The following MECOM variants were observed in gnomAD, a reference collection of about 807,000 sequenced individuals.
The protein encoded by MECOM is MDS1 and EVI1 complex locus, also known as histone-lysine N-methyltransferase MECOM.
A neutral mutation model predicts 116.3 loss-of-function variants in MECOM; 13 were observed. The observed-to-expected ratio is 0.11, with a 90% CI of 0.07 to 0.18. MECOM has a LOEUF of 0.18. Ranked by LOEUF, MECOM falls within the 10% of genes least tolerant of loss-of-function variation. The probability of loss-of-function intolerance (pLI) is 1.00; values close to 1 mark genes in which losing one functional copy is unlikely to be tolerated. For synonymous variants in MECOM, 528 were observed against 535.2 expected, an observed-to-expected ratio of 0.99 and a Z score of 0.19; for missense variants, 1,299 against 1,509.0, an observed-to-expected ratio of 0.86 and a Z score of 2.31.
chr3:169,353,566 TA>T, intron 2 of MECOM, among the ~76,000 whole-genome samples: 1 of 151,928 alleles, frequency 6.6e-6, no homozygotes, highest in Admixed American at 6.6e-5. Context: ...TGTAAATAGC[TA>T]AGTAAAATTC....
intron 1 of MECOM, among the ~76,000 whole-genome samples, chr3:169,640,641 A>G (rs1184635209): frequency 6.6e-6 from 1 of 152,252 alleles, no homozygotes; most frequent in African/African-American, 2.4e-5. Flanking sequence ...AGTGCTAAGC[A>G]CAGTACAAAT....
chr3:169,653,926 G>C (rs758884449), intron 1 of MECOM, among the ~76,000 whole-genome samples: 27 of 152,086 alleles, frequency 1.8e-4, no homozygotes, highest in Non-Finnish European at 3.8e-4. Context: ...CATTCTTCTG[G>C]CACAAAAGTA....
intron 3 of MECOM, 104 bp from the exon 4 acceptor site, chr3:169,131,635 C>A (rs1332600649): frequency 8.5e-6 from 7 of 822,400 alleles, no homozygotes; most frequent in African/African-American, 1.7e-5. Context: ...AACACCTTAA[C>A]AAACATCTTT....
At chr3:169,150,867 G>GT (rs1173072486) in intron 2 of MECOM, among the ~76,000 whole-genome samples, 1 of 152,116 alleles carries the variant, frequency 6.6e-6, no homozygotes, top group Non-Finnish European at 1.5e-5. Context: ...AGGTTAATGT[G>GT]TTTTCTTCCT....
At chr3:169,149,930 T>TCA (rs1242701736) in intron 2 of MECOM, among the ~76,000 whole-genome samples, 27 of 121,654 alleles carry the variant, frequency 2.2e-4, no homozygotes, top group Admixed American at 3.4e-4. Flanking sequence ...TCTCTTTCTC[T>TCA]CTCTCTGTGT....
chr3:169,362,181 A>G (rs1267112025), intron 2 of MECOM, among the ~76,000 whole-genome samples: 2 of 151,956 alleles, frequency 1.3e-5, no homozygotes, highest in Non-Finnish European at 2.9e-5. Flanking sequence ...ATTAAAAGTA[A>G]TTATTTTGGA....
chr3:169,475,005 T>C (rs1750117293), intron 1 of MECOM, among the ~76,000 whole-genome samples: 1 of 152,194 alleles, frequency 6.6e-6, no homozygotes, highest in African/African-American at 2.4e-5. Context: ...AGTTCCAATT[T>C]CAGTTTTTGT....
intron 2 of MECOM, among the ~76,000 whole-genome samples, chr3:169,163,535 C>T (rs1743148263): frequency 6.6e-6 from 1 of 152,110 alleles, no homozygotes; most frequent in Non-Finnish European, 1.5e-5. Flanking sequence ...TTTCATGTAA[C>T]AACTCACTGA....
At chr3:169,488,207 A>G (rs1387227998) in intron 1 of MECOM, among the ~76,000 whole-genome samples, 1 of 151,942 alleles carries the variant, frequency 6.6e-6, no homozygotes, top group East Asian at 1.9e-4. Context: ...GTTTGATCAA[A>G]CATATATAGA....
chr3:169,231,652 G>A (rs1753413670), intron 2 of MECOM, among the ~76,000 whole-genome samples: 1 of 151,898 alleles, frequency 6.6e-6, no homozygotes, highest in South Asian at 2.1e-4. Flanking sequence ...AAAAGCTAGG[G>A]AGAAGCACCC....
intron 2 of MECOM, among the ~76,000 whole-genome samples, chr3:169,371,932 A>G (rs1017177275): frequency 6.6e-6 from 1 of 152,054 alleles, no homozygotes. Context: ...CAAACTTAAA[A>G]GTGTGAGAAC....
At chr3:169,171,174 A>G (rs1344977039) in intron 2 of MECOM, among the ~76,000 whole-genome samples, 1 of 152,224 alleles carries the variant, frequency 6.6e-6, no homozygotes, top group African/African-American at 2.4e-5. Context: ...TGTGGCAAAG[A>G]AACAATAATG....
At chr3:169,583,523 T>A (rs1165856653) in intron 1 of MECOM, among the ~76,000 whole-genome samples, 3 of 152,082 alleles carry the variant, frequency 2.0e-5, no homozygotes, top group African/African-American at 7.2e-5. Context: ...ACATTCCAAA[T>A]CTCCACTTAA....
chr3:169,485,923 AGTATATATAGTATATATGTAT>A (rs1752146237), intron 1 of MECOM, among the ~76,000 whole-genome samples: 1 of 83,760 alleles, frequency 1.2e-5, no homozygotes, highest in African/African-American at 5.6e-5. Context: ...ATGTATATAT[AGTATATATAGTATATATGTAT>A]GTATATATGT....
At chr3:169,195,860 A>G (rs1203591016) in intron 2 of MECOM, among the ~76,000 whole-genome samples, 1 of 152,050 alleles carries the variant, frequency 6.6e-6, no homozygotes, top group Non-Finnish European at 1.5e-5. Flanking sequence ...AGATTTGATC[A>G]CATAAATACT....
chr3:169,582,013 A>G (rs951096486), intron 1 of MECOM, among the ~76,000 whole-genome samples: 11 of 152,240 alleles, frequency 7.2e-5, no homozygotes, highest in African/African-American at 2.7e-4. Flanking sequence ...TGAAGGGAAT[A>G]GACTCCCAAA....
chr3:169,400,059 AC>A (rs1735638101), intron 1 of MECOM, among the ~76,000 whole-genome samples: 1 of 152,306 alleles, frequency 6.6e-6, no homozygotes, highest in Admixed American at 6.5e-5. Context: ...CTGCTTCCTT[AC>A]CCTGAAATTT....
chr3:169,391,264 G>C (rs1173981834), intron 1 of MECOM, among the ~76,000 whole-genome samples: 2 of 152,150 alleles, frequency 1.3e-5, no homozygotes, highest in Admixed American at 1.3e-4. Flanking sequence ...TTGAAAATGA[G>C]CAATGGTCCT....
chr3:169,647,514 A>G (rs1394677547), intron 1 of MECOM, among the ~76,000 whole-genome samples: 3 of 152,198 alleles, frequency 2.0e-5, no homozygotes, highest in Non-Finnish European at 4.4e-5. Context: ...AATGTTAACT[A>G]GAGTAATGCC....
Sources: gnomAD v4.1 joint callset for allele counts (sites outside exome capture counted in the v4.1 genomes callset) on GRCh38, gnomAD v4.1.1 for gene constraint, MANE v1.5 for transcripts, NCBI Gene and HGNC (gene_info 2026-07-23, HGNC 2026-07-21) for gene names.